The following FAM178B variants were observed in gnomAD, a reference collection of about 807,000 sequenced individuals.
The protein encoded by FAM178B is protein FAM178B.
A neutral mutation model predicts 91.7 loss-of-function variants in FAM178B; 82 were observed. That is an observed-to-expected ratio of 0.89 (90% CI 0.75 to 1.07). The LOEUF (loss-of-function observed/expected upper bound fraction) is 1.07. FAM178B is among the 50% of genes least tolerant of loss of function. The pLI is 0.00. For synonymous variants in FAM178B, 368 were observed against 359.4 expected (o/e 1.02, Z -0.27); for missense variants, 769 against 846.7 (o/e 0.91, Z 1.14).
At chr2:96,954,166 GC>G (rs1481560393) in intron 6 of FAM178B, among the ~76,000 whole-genome samples, 1 of 152,214 alleles carries the variant, frequency 6.6e-6, no homozygotes, top group Non-Finnish European at 1.5e-5. Flanking sequence ...TCCATCGGCA[GC>G]AGATACCATG....
intron 5 of FAM178B, among the ~76,000 whole-genome samples, chr2:96,967,212 T>C (rs532830402): frequency 3.3e-5 from 4 of 120,658 alleles, no homozygotes; most frequent in Admixed American, 3.3e-4. Flanking sequence ...ATTTAGATTG[T>C]GGTTTTGTGT....
chr2:96,936,758 A>G (rs1461510039), intron 8 of FAM178B, among the ~76,000 whole-genome samples: 1 of 150,776 alleles, frequency 6.6e-6, no homozygotes, highest in African/African-American at 2.4e-5. Context: ...TGATCCGCCC[A>G]CCTCATCCTC....
intron 13 of FAM178B, among the ~76,000 whole-genome samples, chr2:96,895,529 C>T (rs948177281): frequency 1.3e-5 from 2 of 152,252 alleles, no homozygotes; most frequent in Non-Finnish European, 1.5e-5. Context: ...CCAGTGCATG[C>T]ACTTGATTCG....
chr2:96,878,577 C>A, intron 14 of FAM178B, 84 bp from the exon 15 acceptor site: 1 of 1,330,944 alleles, frequency 7.5e-7, no homozygotes, highest in African/African-American at 1.4e-5. Context: ...ACTCCCCACT[C>A]TCAGGCTTGG....
At chr2:96,948,987 T>C (rs2081879062) in intron 7 of FAM178B, among the ~76,000 whole-genome samples, 1 of 152,184 alleles carries the variant, frequency 6.6e-6, no homozygotes, top group Non-Finnish European at 1.5e-5. Context: ...CCGGTCGGCA[T>C]CTAGAACTCT....
chr2:96,961,590 CCT>C (rs1433524314), intron 5 of FAM178B, among the ~76,000 whole-genome samples: 3 of 152,182 alleles, frequency 2.0e-5, no homozygotes, highest in Non-Finnish European at 2.9e-5. Context: ...CTGGACACTG[CCT>C]CTCTTCCTCT....
chr2:96,913,549 G>A (rs1248681226), intron 12 of FAM178B, among the ~76,000 whole-genome samples: 1 of 152,194 alleles, frequency 6.6e-6, no homozygotes, highest in East Asian at 1.9e-4. Flanking sequence ...GGGAAGCCAC[G>A]GTGCATCTGC....
intron 5 of FAM178B, among the ~76,000 whole-genome samples, chr2:96,963,238 G>A (rs1230306137): frequency 6.6e-6 from 1 of 152,206 alleles, no homozygotes; most frequent in Non-Finnish European, 1.5e-5. Flanking sequence ...TACTCTTGCT[G>A]CAGAGATTTT....
chr2:96,942,783 C>T (rs2081756058), intron 8 of FAM178B, among the ~76,000 whole-genome samples: 1 of 152,160 alleles, frequency 6.6e-6, no homozygotes, highest in South Asian at 2.1e-4. Context: ...ATTTAGAGTA[C>T]TAGCATAAGG....
Position 96,923,474 on chromosome 2 carries a change from A to T in FAM178B, c.1287+16T>A, listed in dbSNP as rs1196548972. Reference sequence around the variant, plus strand: ...AAGCCGAGAGTGCCCTGCATGAGGCAGGCGGCTTGACTCACCTTGTAGATG... The same window carrying T: ...AAGCCGAGAGTGCCCTGCATGAGGCTGGCGGCTTGACTCACCTTGTAGATG... On this transcript the variant is annotated intron_variant, in intron 10 of 16. Coordinates refer to ENST00000490605, the MANE Select transcript of FAM178B (RefSeq NM_001122646.3). The T allele has an allele frequency of 1.3e-6, 2 of 1,544,036 alleles. No individual in the cohort carries two copies. The highest frequency in any genetic ancestry group is 1.2e-5 in the South Asian group (1 of 83,914).
chr2:96,900,255 C>T (rs983554674), intron 13 of FAM178B, among the ~76,000 whole-genome samples: 2 of 152,252 alleles, frequency 1.3e-5, no homozygotes, highest in African/African-American at 2.4e-5. Flanking sequence ...CCAGCAACAC[C>T]GCTGGGTCCC....
intron 14 of FAM178B, among the ~76,000 whole-genome samples, chr2:96,887,131 C>T (rs572258043): frequency 5.9e-5 from 9 of 152,194 alleles, no homozygotes; most frequent in Admixed American, 1.3e-4. Context: ...AGGAGAATGG[C>T]GTGAATCCAG....
chr2:96,913,967 C>G (rs1016606104), intron 12 of FAM178B, among the ~76,000 whole-genome samples: 1 of 152,238 alleles, frequency 6.6e-6, no homozygotes, highest in African/African-American at 2.4e-5. Flanking sequence ...CCCACACCCC[C>G]CGCAAACCTC....
intron 9 of FAM178B, among the ~76,000 whole-genome samples, chr2:96,924,620 A>T (rs942459030): frequency 2.0e-5 from 3 of 152,198 alleles, no homozygotes; most frequent in Non-Finnish European, 4.4e-5. Flanking sequence ...GCACGCGCTC[A>T]CAGGACGAGA....
chr2:96,960,259 A>T (rs750968400), intron 6 of FAM178B, 29 bp downstream of exon 6: 75 of 1,550,212 alleles, frequency 4.8e-5, no homozygotes, highest in Non-Finnish European at 6.1e-5. Context: ...AGGCTGCGCC[A>T]CCCCCTCACC....
intron 8 of FAM178B, among the ~76,000 whole-genome samples, chr2:96,931,516 A>T (rs72942960): frequency 0.013 from 1,919 of 152,338 alleles, 50 homozygotes; most frequent in African/African-American, 0.044. Context: ...TTTCTGACAC[A>T]GAGACAGAAA....
At chr2:96,972,353 C>T (rs2082234123) in intron 2 of FAM178B, 31 bp from the exon 3 acceptor site, 1 of 1,466,268 alleles carries the variant, frequency 6.8e-7, no homozygotes, top group Admixed American at 2.6e-5. Context: ...TGTGGTCCCT[C>T]TGCCCACCTG....
At chr2:96,886,965 A>T (rs1185926512) in intron 14 of FAM178B, among the ~76,000 whole-genome samples, 1 of 152,216 alleles carries the variant, frequency 6.6e-6, no homozygotes, top group Non-Finnish European at 1.5e-5. Context: ...CTGTAATCCC[A>T]GCACTTTGGG....
chr2:96,901,342 TTTTG>T (rs201307467), intron 13 of FAM178B, among the ~76,000 whole-genome samples: 1,855 of 151,794 alleles, frequency 0.012, 120 homozygotes, highest in Admixed American at 0.1. Context: ...CCGGCTAATT[TTTTG>T]TTTTTTTAGT....
Sources: gnomAD v4.1 joint callset for allele counts (sites outside exome capture counted in the v4.1 genomes callset) on GRCh38, gnomAD v4.1.1 for gene constraint, MANE v1.5 for transcripts, NCBI Gene and HGNC (gene_info 2026-07-23, HGNC 2026-07-21) for gene names.